Variants in TESK2 observed in about 807,000 individuals in gnomAD.
TESK2 encodes the protein dual specificity testis-specific protein kinase 2.
In TESK2, 39 loss-of-function variants were observed where a neutral mutation model predicts 57.1. The ratio of observed to expected loss-of-function variants is 0.68; its 90% CI spans 0.53 to 0.89. The LOEUF (loss-of-function observed/expected upper bound fraction) is 0.89. TESK2 is among the 40% of genes least tolerant of loss of function. The pLI is 0.00. For missense variants in TESK2, 646 were observed against 732.1 expected (o/e 0.88, Z 1.36); for synonymous variants, 249 against 267.9 (o/e 0.93, Z 0.69).
intron 1 of TESK2, among the ~76,000 whole-genome samples, chr1:45,487,444 T>C (rs1360072847): frequency 6.6e-6 from 1 of 152,214 alleles, no homozygotes; most frequent in African/African-American, 2.4e-5. Flanking sequence ...GTGACATTCA[T>C]ATTGATGACA....
chr1:45,437,485 T>C (rs1651280402), intron 2 of TESK2, among the ~76,000 whole-genome samples: 1 of 152,228 alleles, frequency 6.6e-6, no homozygotes, highest in South Asian at 2.1e-4. Context: ...AAGATCATTT[T>C]ATCTCCAAAG....
At chr1:45,457,916 A>AT in intron 1 of TESK2, 45 bp from the exon 2 acceptor site, 1 of 681,672 alleles carries the variant, frequency 1.5e-6, no homozygotes, top group Non-Finnish European at 2.5e-6. Context: ...TAATGAATAA[A>AT]TACATGTAAA....
chr1:45,427,115 C>T (rs151237755), intron 2 of TESK2, among the ~76,000 whole-genome samples: 1 of 151,834 alleles, frequency 6.6e-6, no homozygotes, highest in Non-Finnish European at 1.5e-5. Flanking sequence ...TGGTAGTGCA[C>T]GTCTGTAATT....
intron 3 of TESK2, among the ~76,000 whole-genome samples, chr1:45,419,535 G>A (rs1355792536): frequency 6.6e-6 from 1 of 152,066 alleles, no homozygotes; most frequent in Non-Finnish European, 1.5e-5. Flanking sequence ...GCCAGGTGCG[G>A]TGGCTCACAC....
intron 4 of TESK2, among the ~76,000 whole-genome samples, chr1:45,380,146 C>T (rs760124560): frequency 2.0e-5 from 3 of 152,122 alleles, no homozygotes; most frequent in Non-Finnish European, 2.9e-5. Context: ...GTGATCCACC[C>T]GCCTCGGCCT....
rs191155637 is a variant in TESK2, at chr1:45,348,078, C to G, written c.541-78G>C. On this transcript the variant is annotated intron_variant, in intron 5 of 10. Transcript: ENST00000372086. ...GCCATAGAGTTACCACCCATTCCCC[C>G]CTTCCTATCACAGGGCACCTTGTCC... 1,796 of 975,276 alleles carry G rather than the reference C, an allele frequency of 1.8e-3. 4 individuals are homozygous for G. The highest frequency in any genetic ancestry group is 3.8e-3 in the Admixed American group (215 of 56,906). 60.4% of individuals were successfully genotyped at this position (975,276 alleles called of 1,614,324 possible).
intron 3 of TESK2, among the ~76,000 whole-genome samples, chr1:45,395,340 T>G (rs1331978484): frequency 2.0e-5 from 3 of 152,196 alleles, no homozygotes; most frequent in Non-Finnish European, 4.4e-5. Flanking sequence ...AGCATATTAC[T>G]GTACTGAATA....
chr1:45,416,057 C>A (rs1390548817), intron 3 of TESK2, among the ~76,000 whole-genome samples: 2 of 146,328 alleles, frequency 1.4e-5, no homozygotes, highest in Non-Finnish European at 3.0e-5. Context: ...AGATTGGACA[C>A]CTCTAATCTA....
At chr1:45,463,945 G>A (rs915696405) in intron 1 of TESK2, among the ~76,000 whole-genome samples, 1 of 151,946 alleles carries the variant, frequency 6.6e-6, no homozygotes, top group African/African-American at 2.4e-5. Flanking sequence ...ATAGCTCTGT[G>A]GTATAATTTG....
At chr1:45,351,017 T>C (rs1238445903) in intron 5 of TESK2, among the ~76,000 whole-genome samples, 4 of 152,218 alleles carry the variant, frequency 2.6e-5, no homozygotes, top group African/African-American at 9.6e-5. Flanking sequence ...TTCATTCCAG[T>C]GAAATCACCT....
At chr1:45,443,931 T>A (rs919657110) in intron 2 of TESK2, among the ~76,000 whole-genome samples, 4 of 152,058 alleles carry the variant, frequency 2.6e-5, no homozygotes, top group Admixed American at 1.3e-4. Flanking sequence ...GTAATCTCAA[T>A]GCTTTGAGAG....
At chr1:45,472,075 C>A (rs1346149646) in intron 1 of TESK2, among the ~76,000 whole-genome samples, 1 of 150,276 alleles carries the variant, frequency 6.7e-6, no homozygotes, top group Non-Finnish European at 1.5e-5. Context: ...CACGGTGAAA[C>A]CCCGTCTCTA....
intron 4 of TESK2, among the ~76,000 whole-genome samples, chr1:45,380,854 A>T (rs1323602087): frequency 6.6e-6 from 1 of 152,230 alleles, no homozygotes; most frequent in Non-Finnish European, 1.5e-5. Context: ...ATAACCCAGA[A>T]TACATAAAAA....
chr1:45,390,159 A>C (rs1473445189), intron 3 of TESK2, among the ~76,000 whole-genome samples: 1 of 152,134 alleles, frequency 6.6e-6, no homozygotes, highest in Non-Finnish European at 1.5e-5. Context: ...CGCCAGGCAC[A>C]GTGGCTCACA....
intron 3 of TESK2, among the ~76,000 whole-genome samples, chr1:45,395,968 G>A (rs904268934): frequency 6.6e-6 from 1 of 151,836 alleles, no homozygotes; most frequent in Non-Finnish European, 1.5e-5. Context: ...GTAAATTATG[G>A]TTTGTTTTGT....
chr1:45,372,678 C>A (rs548485172), intron 4 of TESK2, among the ~76,000 whole-genome samples: 1 of 151,632 alleles, frequency 6.6e-6, no homozygotes, highest in Non-Finnish European at 1.5e-5. Flanking sequence ...CAAGAATTTG[C>A]GGCTGTAATG....
rs370090491 is a variant in TESK2 at position 45,488,528 on chromosome 1, AC to A, written c.-87+2323del. On this transcript the variant is annotated intron_variant, in intron 1 of 10. Coordinates refer to ENST00000372086, the MANE Select transcript of TESK2 (RefSeq NM_007170.3). ...TCACCTGTACTGAAAAGAAAAACAC[AC>A]ATGTGCCATAATGGAAAGAACACAG... Among the ~76,000 whole-genome samples, 154 of 152,332 alleles carry A rather than the reference AC, an allele frequency of 1.0e-3. 1 individual carries two copies. The East Asian group carries it at 0.027, about 27-fold the overall frequency.
At chr1:45,388,779 G>A (rs1432641560) in intron 3 of TESK2, among the ~76,000 whole-genome samples, 1 of 139,822 alleles carries the variant, frequency 7.2e-6, no homozygotes, top group Non-Finnish European at 1.5e-5. Flanking sequence ...GGAGTGCAGT[G>A]GCGCAATCTC....
At chr1:45,464,835 TA>T (rs1652478185) in intron 1 of TESK2, among the ~76,000 whole-genome samples, 1 of 152,222 alleles carries the variant, frequency 6.6e-6, no homozygotes, top group Admixed American at 6.5e-5. Flanking sequence ...GCACAGTGGC[TA>T]ACTCCTGTCA....
Sources: allele counts gnomAD v4.1 joint callset (sites outside exome capture counted in the v4.1 genomes callset), GRCh38; gene constraint gnomAD v4.1.1; transcripts MANE v1.5; gene names NCBI Gene and HGNC (gene_info 2026-07-23, HGNC 2026-07-21).